COL26A1: variants seen among roughly 807,000 people sequenced by gnomAD.
The protein encoded by COL26A1 is collagen alpha-1(XXVI) chain.
Under a neutral mutation model 59.3 loss-of-function variants are expected in COL26A1, and 41 were observed. The observed-to-expected ratio is 0.69, with a 90% CI of 0.54 to 0.90. COL26A1 has a LOEUF of 0.90. COL26A1 is among the 40% of genes least tolerant of loss of function. The pLI, the probability that COL26A1 is intolerant of heterozygous loss-of-function variation, is 0.00. For synonymous variants in COL26A1, 266 were observed against 256.0 expected, an observed-to-expected ratio of 1.04 and a Z score of -0.37; for missense variants, 612 against 602.3, an observed-to-expected ratio of 1.02 and a Z score of -0.17.
In COL26A1 at chr7:101,544,061, G is replaced by T. The variant is rs943378256; in HGVS notation, c.668G>T (p.Gly223Val). Reference sequence around the variant, plus strand: ...CCCCCCGGGTCTAAAGGTGACCGAGGCCAGACAGGAGAGAAGGGTCCAGCG... The same window carrying T: ...CCCCCCGGGTCTAAAGGTGACCGAGTCCAGACAGGAGAGAAGGGTCCAGCG... ...AGPPGSKGDR[G>V]QTGEKGPAGP... The change falls in exon 6 of 13, where the codon GGC (glycine) becomes GTC (valine). Residue 223 changes from glycine (G) to valine (V), a missense_variant. By Grantham distance (109) the Gly-to-Val change is moderately radical. Coordinates refer to ENST00000313669, the MANE Select transcript of COL26A1 (RefSeq NM_001278563.3). 1 of 1,606,504 alleles carries T rather than the reference G, an allele frequency of 6.2e-7. No individual in the cohort carries two copies. The highest frequency in any genetic ancestry group is 8.5e-7 in the Non-Finnish European group (1 of 1,177,088).
chr7:101,364,056 G>T (rs1399465682), intron 1 of COL26A1, among the ~76,000 whole-genome samples: 8 of 152,212 alleles, frequency 5.3e-5, no homozygotes, highest in African/African-American at 1.9e-4. Context: ...AGGGCGCAGG[G>T]TCACCGGGCC....
At chr7:101,478,752 C>G (rs1794100361) in intron 3 of COL26A1, among the ~76,000 whole-genome samples, 1 of 152,070 alleles carries the variant, frequency 6.6e-6, no homozygotes, top group Non-Finnish European at 1.5e-5. Context: ...TGACACTAAT[C>G]AAGTTGGTGG....
chr7:101,374,457 CT>C (rs1791262739), intron 1 of COL26A1, among the ~76,000 whole-genome samples: 1 of 152,218 alleles, frequency 6.6e-6, no homozygotes. Context: ...GCGAAAAAGC[CT>C]GAAGCTTCAT....
chr7:101,445,709 GC>G (rs1793173552), intron 2 of COL26A1, among the ~76,000 whole-genome samples: 1 of 126,002 alleles, frequency 7.9e-6, no homozygotes, highest in African/African-American at 3.1e-5. Flanking sequence ...TCCAGCCTGG[GC>G]GACAGAGCGA....
chr7:101,493,760 A>AAC (rs1272971255), intron 3 of COL26A1, among the ~76,000 whole-genome samples: 1 of 114,284 alleles, frequency 8.8e-6, no homozygotes, highest in African/African-American at 3.0e-5. Context: ...TCTCTACTAA[A>AAC]AAAAAAAAAA....
chr7:101,363,038 G>C lies in COL26A1; in HGVS notation c.6G>C (p.Lys2Asn). MKLALLLPWACC... is the reference protein window; with the variant it reads MNLALLLPWACC... The stretch of plus-strand genomic sequence containing the variant: ...CCCGCGGGCTGCTGCGCACGATGAA[G>C]CTGGCCCTGCTCCTGCCCTGGGCGT... The change falls in exon 1 of 13, where the codon AAG becomes AAC. Residue 2 changes from lysine to asparagine, a missense_variant. Transcript: ENST00000313669. The C allele has an allele frequency of 6.3e-7, 1 of 1,578,198 alleles. No homozygotes were observed. The highest frequency in any genetic ancestry group is 8.5e-7 in the Non-Finnish European group (1 of 1,171,440).
At chr7:101,514,295 G>A (rs980240610) in intron 3 of COL26A1, among the ~76,000 whole-genome samples, 50 of 152,082 alleles carry the variant, frequency 3.3e-4, no homozygotes, top group African/African-American at 9.6e-4. Context: ...CCAAGATCAC[G>A]CCACTGCACT....
At chr7:101,407,434 GGTGA>G (rs1792152990) in intron 1 of COL26A1, among the ~76,000 whole-genome samples, 2 of 151,936 alleles carry the variant, frequency 1.3e-5, no homozygotes, top group South Asian at 4.2e-4. Flanking sequence ...CCAAATCCCG[GGTGA>G]TGACTTTTCT....
At chr7:101,514,466 G>A (rs2130593674) in intron 3 of COL26A1, among the ~76,000 whole-genome samples, 1 of 152,376 alleles carries the variant, frequency 6.6e-6, no homozygotes, top group Non-Finnish European at 1.5e-5. Context: ...GGGGTCTGGA[G>A]GAGGAGGGGT....
rs3073374 is a variant in COL26A1 at position 101,510,027 on chromosome 7, C to CTTTTTTTTTTTTTTTTTT, written c.386-23041_386-23040insTTTTTTTTTTTTTTTTTT. 9.8e-5 allele frequency among the ~76,000 whole-genome samples: 12 copies of CTTTTTTTTTTTTTTTTTT among 122,296 alleles called. 2 individuals carry two copies. The highest frequency in any genetic ancestry group is 4.1e-4 in the African/African-American group (10 of 24,654). 80.2% of individuals were successfully genotyped at this position (122,296 alleles called of 152,430 possible). A position where few individuals can be genotyped will look rare whatever the true frequency, so the allele number is the denominator to read the frequency against. On this transcript the variant is annotated intron_variant, in intron 3 of 12. Transcript: ENST00000313669. ...ATAGGCATAAGCCATCGCGCCCAGT[C>CTTTTTTTTTTTTTTTTTT]TTTTTTTTTTTTTTAAGAGGGTCTC...
intron 2 of COL26A1, among the ~76,000 whole-genome samples, chr7:101,426,228 A>G (rs779579860): frequency 2.0e-5 from 3 of 152,010 alleles, no homozygotes; most frequent in Non-Finnish European, 4.4e-5. Context: ...GGTGGGAGGA[A>G]CTCGGAAGGT....
In COL26A1 at chr7:101,553,372, C is replaced by T; in HGVS notation, c.1076C>T (p.Ala359Val). The T allele has an allele frequency of 6.2e-7, 1 of 1,613,692 alleles. No homozygotes were observed. The highest frequency in any genetic ancestry group is 1.1e-5 in the South Asian group (1 of 91,072). ...KGEEGEKAATAEGEGVQQLRE... is the reference protein window; with the variant it reads ...KGEEGEKAATVEGEGVQQLRE... ...GAAGAAGGAGAGAAAGCCGCCACTG[C>T]AGAGGTAACCATGGCTGCCCTTCAC... The change falls in exon 11 of 13, where the codon GCA becomes GTA. Residue 359 changes from alanine (A) to valine (V), a missense_variant. Ala to Val is a moderately conservative substitution (Grantham distance 64, BLOSUM62 0). Transcript: ENST00000313669.
At chr7:101,514,135 A>G (rs528056307) in intron 3 of COL26A1, among the ~76,000 whole-genome samples, 94 of 152,196 alleles carry the variant, frequency 6.2e-4, no homozygotes, top group African/African-American at 2.3e-3. Flanking sequence ...CAGGAGTTCA[A>G]GACCAGCCTG....
At chr7:101,463,177 T>C (rs1793655003) in intron 3 of COL26A1, among the ~76,000 whole-genome samples, 1 of 152,210 alleles carries the variant, frequency 6.6e-6, no homozygotes, top group Non-Finnish European at 1.5e-5. Context: ...GTCTGCAAAT[T>C]AATTGCACAC....
chr7:101,489,690 TTTCTTTCTG>T (rs1794362049), intron 3 of COL26A1, among the ~76,000 whole-genome samples: 3 of 9,668 alleles, frequency 3.1e-4, no homozygotes, highest in African/African-American at 2.7e-3. Context: ...CCTTTCTTTC[TTTCTTTCTG>T]TCTTTCTTTC....
intron 7 of COL26A1, among the ~76,000 whole-genome samples, chr7:101,546,832 G>A (rs1404681356): frequency 6.6e-6 from 1 of 151,818 alleles, no homozygotes; most frequent in African/African-American, 2.4e-5. Flanking sequence ...TGGGCCTGTG[G>A]GATGGAGCCT....
At chr7:101,538,042 C>T (rs1795520044) in intron 4 of COL26A1, among the ~76,000 whole-genome samples, 1 of 152,120 alleles carries the variant, frequency 6.6e-6, no homozygotes, top group South Asian at 2.1e-4. Flanking sequence ...AGACACACTC[C>T]AACCTTCACC....
At chr7:101,447,576 C>A in intron 2 of COL26A1, 108 bp from the exon 3 acceptor site, 1 of 725,678 alleles carries the variant, frequency 1.4e-6, no homozygotes, top group Non-Finnish European at 2.4e-6. Context: ...CCATGGGGGC[C>A]TCCCGGAGCC....
intron 1 of COL26A1, among the ~76,000 whole-genome samples, chr7:101,409,319 C>T (rs1584382283): frequency 6.6e-6 from 1 of 152,296 alleles, no homozygotes; most frequent in African/African-American, 2.4e-5. Context: ...TGATTATCCA[C>T]CTGTTCTCAT....
Sources: gnomAD v4.1 joint callset for allele counts (sites outside exome capture counted in the v4.1 genomes callset) on GRCh38, gnomAD v4.1.1 for gene constraint, MANE v1.5 for transcripts, NCBI Gene and HGNC (gene_info 2026-07-23, HGNC 2026-07-21) for gene names.